Variants in RNFT1 observed in about 807,000 individuals in gnomAD.
The protein encoded by RNFT1 is E3 ubiquitin-protein ligase RNFT1.
In RNFT1, 35 loss-of-function variants were observed where a neutral mutation model predicts 53.2. That is an observed-to-expected ratio of 0.66 (90% CI 0.50 to 0.87). The LOEUF is 0.87. Ranked by LOEUF, RNFT1 falls within the 40% of genes least tolerant of loss-of-function variation. The probability of loss-of-function intolerance (pLI) is 0.00; values close to 1 mark genes in which losing one functional copy is unlikely to be tolerated. For missense variants in RNFT1, 421 were observed against 515.0 expected (o/e 0.82, Z 1.77); for synonymous variants, 141 against 172.8 (o/e 0.82, Z 1.44).
Position 59,963,251 on chromosome 17 carries a change from TGACCCA to T in RNFT1, c.84_89del (p.Gly29_Ser30del), listed in dbSNP as rs769590656. ...GCATGGCCCTTAAATACTTTTTCTC[TGACCCA>T]GATGTCTTTGCTTCAGGCCTCTGTC... On this transcript the variant is annotated inframe_deletion, in exon 2 of 9. Coordinates refer to ENST00000305783, the MANE Select transcript of RNFT1 (RefSeq NM_016125.4). 28 of 1,610,474 alleles carry T rather than the reference TGACCCA, an allele frequency of 1.7e-5. No individual in the cohort carries two copies. Among genetic ancestry groups the T allele is most frequent in the Non-Finnish European group, 2.3e-5 (27 of 1,177,932 alleles).
At position 59,958,338 on chromosome 17, in the gene RNFT1, A is replaced by AT. The variant is rs768293150; in HGVS notation, c.798dup (p.Cys267MetfsTer14). 1.9e-6 allele frequency: 3 copies of AT among 1,601,346 alleles called. No individual in the cohort carries two copies. The highest frequency in any genetic ancestry group is 2.5e-6 in the Non-Finnish European group (3 of 1,177,242). On this transcript the variant is annotated frameshift_variant, in exon 5 of 9. Transcript: ENST00000305783. LOFTEE classifies it high-confidence loss of function. ...AAAGAAGGCACCAATAAAATAAGGC[A>AT]TTTTAAGCCCATGAAAAAGAATTTC...
chr17:59,963,892 C>G (rs1214722173), intron 1 of RNFT1, among the ~76,000 whole-genome samples: 1 of 152,152 alleles, frequency 6.6e-6, no homozygotes, highest in African/African-American at 2.4e-5. Context: ...AATATTACCT[C>G]CCCGCGCAAA....
In RNFT1 at chr17:59,964,677, C is replaced by G; in HGVS notation, c.-14G>C. On this transcript the variant is annotated 5_prime_UTR_variant, in exon 1 of 9. Coordinates refer to ENST00000305783, the MANE Select transcript of RNFT1 (RefSeq NM_016125.4). The stretch of plus-strand genomic sequence containing the variant: ...GAACAGCGGCATACACCGCCTCCAG[C>G]CCTTCAGTCGGGGCCATCAACCGCA... The G allele has an allele frequency of 1.2e-6, 2 of 1,600,306 alleles. No homozygotes were observed. The highest frequency in any genetic ancestry group is 1.1e-5 in the South Asian group (1 of 88,872).
chr17:59,955,602 T>G (rs1052342650), intron 7 of RNFT1, among the ~76,000 whole-genome samples: 1 of 152,256 alleles, frequency 6.6e-6, no homozygotes, highest in Non-Finnish European at 1.5e-5. Flanking sequence ...CTGAATTTTA[T>G]TATGTCTTGT....
Position 59,963,086 on chromosome 17 carries a change from G to A in RNFT1, c.255C>T (p.Ser85=), listed in dbSNP as rs2045307188. 1 of 1,614,210 alleles carries A rather than the reference G, an allele frequency of 6.2e-7. No homozygotes were observed. The highest frequency in any genetic ancestry group is 1.6e-4 in the Middle Eastern group (1 of 6,062). Residue 85 remains serine (S), a synonymous_variant, in exon 2 of 9, where the codon TCC becomes TCT. Transcript: ENST00000305783. ...HSGDVHIQIN[S]IPKECAENAS... is the part of the protein sequence containing the mutation. Reference sequence around the variant, plus strand: ...CATTTTCTGCACATTCTTTAGGTATGGAGTTTATCTGGATATGAACATCTC... The same window carrying A: ...CATTTTCTGCACATTCTTTAGGTATAGAGTTTATCTGGATATGAACATCTC...
intron 4 of RNFT1, 133 bp from the exon 5 acceptor site, chr17:59,958,577 A>C (rs746525236): frequency 1.1e-4 from 81 of 770,954 alleles, no homozygotes; most frequent in Non-Finnish European, 1.7e-4. Context: ...GTCAGAGTTC[A>C]CAATAATGGA....
chr17:59,963,688 A>T (rs1288153383), intron 1 of RNFT1, among the ~76,000 whole-genome samples: 1 of 152,210 alleles, frequency 6.6e-6, no homozygotes, highest in Non-Finnish European at 1.5e-5. Context: ...GAAGTTTCAT[A>T]AGGAAGAGTG....
chr17:59,960,437 C>CAAAA (rs11406596), intron 3 of RNFT1, among the ~76,000 whole-genome samples: 2 of 68,284 alleles, frequency 2.9e-5, no homozygotes, highest in Middle Eastern at 0.017. Flanking sequence ...AGTCTTCTCT[C>CAAAA]AAAAAAAAAA....
Position 59,952,853 on chromosome 17 carries a change from C to T in RNFT1, c.*124G>A. On this transcript the variant is annotated 3_prime_UTR_variant, in exon 9 of 9. Transcript: ENST00000305783. ...TCTTTTGGTGAATTGGATCATAAGT[C>T]CTACATTCTAAAACCATCTGGAAAC... is the stretch of plus-strand genomic sequence containing the variant. 1.2e-6 allele frequency: 1 copy of T among 833,908 alleles called. No homozygotes were observed. Among genetic ancestry groups the T allele is most frequent in the Non-Finnish European group, 1.8e-6 (1 of 550,972 alleles). 51.7% of individuals were successfully genotyped at this position (833,908 alleles called of 1,614,324 possible).
At chr17:59,958,673 C>G (rs552984486) in intron 4 of RNFT1, 1 of 573,154 alleles carries the variant, frequency 1.7e-6, no homozygotes, top group African/African-American at 1.8e-5. Flanking sequence ...AAAGTCTTCA[C>G]GGTTTGTCAT....
intron 5 of RNFT1, among the ~76,000 whole-genome samples, chr17:59,957,892 T>C (rs913872899): frequency 4.6e-5 from 7 of 152,168 alleles, no homozygotes; most frequent in African/African-American, 1.4e-4. Context: ...ATGTTTTATG[T>C]ATACTGCAAG....
At chr17:59,960,504 C>T (rs566669888) in intron 3 of RNFT1, among the ~76,000 whole-genome samples, 1 of 135,470 alleles carries the variant, frequency 7.4e-6, no homozygotes, top group Admixed American at 7.6e-5. Context: ...AGGTCTTCTA[C>T]AAGCTGACAT....
chr17:59,960,659 A>G (rs756870232), intron 3 of RNFT1, among the ~76,000 whole-genome samples: 6 of 151,878 alleles, frequency 4.0e-5, no homozygotes, highest in African/African-American at 1.2e-4. Context: ...AAAAAAGTAC[A>G]AAAGTTAGCC....
At chr17:59,958,502 TA>T in intron 4 of RNFT1, 58 bp from the exon 5 acceptor site, 2 of 1,293,376 alleles carry the variant, frequency 1.5e-6, no homozygotes, top group Non-Finnish European at 2.2e-6. Context: ...AAAGTATTAA[TA>T]AAGGGTTTTA....
In RNFT1 at chr17:59,954,106, A is replaced by G. The variant is rs73318983; in HGVS notation, c.1112T>C (p.Val371Ala). The stretch of plus-strand genomic sequence containing the variant: ...TTGACATATTGAACAAATATCATCC[A>G]CATCTGAACACTGTCTCTTGCTGGC... The part of the protein sequence containing the change: ...VAASKRQCSD[V>A]DDICSICQAE... The change falls in exon 8 of 9, where the codon GTG (valine) becomes GCG (alanine). Residue 371 changes from valine (V) to alanine (A), a missense_variant. By Grantham distance (64) the Val-to-Ala change is moderately conservative. Coordinates refer to ENST00000305783, the MANE Select transcript of RNFT1 (RefSeq NM_016125.4). 6.2e-7 allele frequency: 1 copy of G among 1,603,170 alleles called. No homozygotes were observed. Among genetic ancestry groups the G allele is most frequent in the African/African-American group, 1.3e-5 (1 of 74,268 alleles).
chr17:59,960,886 A>G (rs962455292), intron 3 of RNFT1, among the ~76,000 whole-genome samples: 1 of 151,818 alleles, frequency 6.6e-6, no homozygotes, highest in Non-Finnish European at 1.5e-5. Flanking sequence ...GTCAAGGTTT[A>G]TATTTTTTAA....
chr17:59,964,566 C>T (rs1568548326), intron 1 of RNFT1, 42 bp downstream of exon 1: 2 of 1,557,008 alleles, frequency 1.3e-6, no homozygotes, highest in Non-Finnish European at 1.7e-6. Flanking sequence ...GCGCCGCGGC[C>T]CCTCGCCGCC....
At chr17:59,957,465 G>A in intron 5 of RNFT1, 83 bp from the exon 6 acceptor site, 1 of 892,208 alleles carries the variant, frequency 1.1e-6, no homozygotes, top group Non-Finnish European at 1.7e-6. Context: ...AGAACACTGA[G>A]TATATTATAC....
chr17:59,964,521 C>T lies in RNFT1; in HGVS notation c.56+87G>A, dbSNP rs539025724. On this transcript the variant is annotated intron_variant, in intron 1 of 8. Transcript: ENST00000305783. ...GAGGGCAGAGTTCTCCACCCACGTCCGAGCCTCGAGTGCCTATTCTCCCCA... is the reference window on the plus strand; with the variant it reads ...GAGGGCAGAGTTCTCCACCCACGTCTGAGCCTCGAGTGCCTATTCTCCCCA... 452 of 1,271,776 alleles carry T rather than the reference C, an allele frequency of 3.6e-4. 3 individuals carry two copies. In the South Asian group the frequency reaches 4.2e-3, roughly 12 times the overall value. The allele number at this position is 1,271,776 out of a possible 1,614,324, so 78.8% of individuals were successfully genotyped here.
Sources: gnomAD v4.1 joint callset for allele counts (sites outside exome capture counted in the v4.1 genomes callset) on GRCh38, gnomAD v4.1.1 for gene constraint, MANE v1.5 for transcripts, NCBI Gene and HGNC (gene_info 2026-07-23, HGNC 2026-07-21) for gene names.